Variants in DNAH5 observed in about 807,000 individuals in gnomAD.
DNAH5 encodes dynein axonemal heavy chain 5.
Under a neutral mutation model 518.2 loss-of-function variants are expected in DNAH5, and 372 were observed. The ratio of observed to expected loss-of-function variants is 0.72; its 90% CI spans 0.66 to 0.78. DNAH5 has a LOEUF of 0.78. Among genes scored for constraint, DNAH5 ranks in the 30% least tolerant of loss-of-function variants. The pLI is 0.00. For synonymous variants in DNAH5, 2,039 were observed against 2,025.9 expected, an observed-to-expected ratio of 1.01 and a Z score of -0.17; for missense variants, 5,523 against 5,687.0, an observed-to-expected ratio of 0.97 and a Z score of 0.93.
At chr5:13,953,462 A>G (rs891124225) in intron 1 of DNAH5, among the ~76,000 whole-genome samples, 6 of 152,194 alleles carry the variant, frequency 3.9e-5, no homozygotes, top group African/African-American at 1.4e-4. Flanking sequence ...CAAACATTCA[A>G]ATGAAATGGC....
At position 13,911,382 on chromosome 5, in the gene DNAH5, C is replaced by G. The variant is rs995910255; in HGVS notation, c.1644+4G>C. The G allele has an allele frequency of 3.1e-6, 5 of 1,608,872 alleles. No homozygotes were observed. The highest frequency in any genetic ancestry group is 1.7e-6 in the Non-Finnish European group (2 of 1,175,538). On this transcript the variant is annotated splice_donor_region_variant and intron_variant, in intron 12 of 78. Coordinates refer to ENST00000265104, the MANE Select transcript of DNAH5 (RefSeq NM_001369.3). ...GTCAACAGGAATTTTATTATACAAC[C>G]TACATGAAGGTCATTAGTCTGCTTG... is the stretch of plus-strand genomic sequence containing the variant.
At chr5:13,984,567 T>G (rs1335156434) in intron 1 of DNAH5, among the ~76,000 whole-genome samples, 2 of 152,208 alleles carry the variant, frequency 1.3e-5, no homozygotes, top group African/African-American at 4.8e-5. Context: ...AACACTATGT[T>G]GTATAGGAGT....
chr5:13,861,807 A>G (rs1452041291), intron 29 of DNAH5, among the ~76,000 whole-genome samples: 1 of 152,052 alleles, frequency 6.6e-6, no homozygotes, highest in Non-Finnish European at 1.5e-5. Flanking sequence ...AAATACAAAA[A>G]TTAGCCAGGC....
intron 1 of DNAH5, among the ~76,000 whole-genome samples, chr5:13,991,403 G>A (rs932876850): frequency 6.6e-6 from 1 of 151,922 alleles, no homozygotes; most frequent in Non-Finnish European, 1.5e-5. Flanking sequence ...GTTCCCTTTG[G>A]ACTAAATGCC....
intron 1 of DNAH5, among the ~76,000 whole-genome samples, chr5:13,951,796 T>C (rs1299087565): frequency 6.6e-6 from 1 of 152,188 alleles, no homozygotes; most frequent in Non-Finnish European, 1.5e-5. Context: ...TTGGGGGCTA[T>C]CTTTGCTGTT....
chr5:14,007,627 A>G (rs979125225), intron 1 of DNAH5, among the ~76,000 whole-genome samples: 6 of 152,160 alleles, frequency 3.9e-5, no homozygotes, highest in Non-Finnish European at 8.8e-5. Context: ...TAAGCTTTGG[A>G]CAGATTCCTC....
At chr5:13,752,383 C>T in intron 63 of DNAH5, 94 bp from the exon 64 acceptor site, 6 of 1,387,610 alleles carry the variant, frequency 4.3e-6, no homozygotes, top group Non-Finnish European at 6.1e-6. Flanking sequence ...AAGCATTCTA[C>T]TGCAAGAGAC....
chr5:13,778,596 A>AAGAAAGAAAGAAAGAGAGAGAG (rs768853052), intron 53 of DNAH5, among the ~76,000 whole-genome samples: 3 of 102,152 alleles, frequency 2.9e-5, no homozygotes, highest in African/African-American at 7.5e-5. Flanking sequence ...GAAAGAAAGA[A>AAGAAAGAAAGAAAGAGAGAGAG]AGAGAGAGAG....
chr5:13,944,192 T>C (rs1779717915), intron 1 of DNAH5, among the ~76,000 whole-genome samples, 190 bp downstream of exon 1: 1 of 152,194 alleles, frequency 6.6e-6, no homozygotes, highest in Non-Finnish European at 1.5e-5. Context: ...AGCCTACAGA[T>C]GCAAAATTTT....
At chr5:13,920,018 G>T (rs1026570565) in intron 6 of DNAH5, among the ~76,000 whole-genome samples, 1 of 152,316 alleles carries the variant, frequency 6.6e-6, no homozygotes, top group East Asian at 1.9e-4. Flanking sequence ...TAACCTTGGA[G>T]GAACATGGCC....
chr5:13,928,572 A>G (rs1177278681), intron 2 of DNAH5, among the ~76,000 whole-genome samples: 2 of 152,206 alleles, frequency 1.3e-5, no homozygotes, highest in Admixed American at 1.3e-4. Flanking sequence ...GAGATAATTA[A>G]TATTAAATTG....
intron 22 of DNAH5, among the ~76,000 whole-genome samples, chr5:13,876,167 G>A (rs1397189703): frequency 6.6e-6 from 1 of 152,130 alleles, no homozygotes; most frequent in Non-Finnish European, 1.5e-5. Context: ...AAATTGCCTT[G>A]AATGTACATT....
At chr5:13,800,054 GAT>G (rs1396580492) in intron 47 of DNAH5, among the ~76,000 whole-genome samples, 3 of 152,158 alleles carry the variant, frequency 2.0e-5, no homozygotes, top group Admixed American at 2.0e-4. Flanking sequence ...GTGCTGAAAA[GAT>G]ATGAAAGCAG....
chr5:13,989,482 C>CTTT (rs34462296), intron 1 of DNAH5, among the ~76,000 whole-genome samples: 13 of 128,816 alleles, frequency 1.0e-4, no homozygotes, highest in African/African-American at 1.5e-4. Context: ...TAGAGGGAGA[C>CTTT]TTTTTTTTTT....
rs776039504 is a variant in DNAH5 at position 13,928,178 on chromosome 5, T to A, written c.193A>T (p.Ile65Phe). The A allele has an allele frequency of 8.7e-6, 14 of 1,611,678 alleles. No individual in the cohort carries two copies. The highest frequency in any genetic ancestry group is 1.2e-5 in the Non-Finnish European group (14 of 1,178,070). Residue 65 changes from isoleucine (I) to phenylalanine (F), a missense_variant and splice_region_variant, in exon 3 of 79, where the codon ATT becomes TTT. This residue lies in a region of DNAH5 where 5,121 missense variants were observed against 5,223.3 expected (regional missense o/e 0.98). Transcript: ENST00000265104. ...GCAAAAAGTTGATCAATTCTTTCAA[T>A]CTGGGAAAAAGAAAAAGGCAAGATA... Reference protein sequence around the residue: ...VEDAILEGNQIERIDQLFAVG... With the variant: ...VEDAILEGNQFERIDQLFAVG...
chr5:13,919,461 ATATATG>A, intron 6 of DNAH5, 109 bp from the exon 7 acceptor site: 2 of 1,306,024 alleles, frequency 1.5e-6, no homozygotes, highest in Non-Finnish European at 2.1e-6. Flanking sequence ...CTGGATCATG[ATATATG>A]CGTATTCCAT....
chr5:13,803,560 G>A (rs1449751106), intron 47 of DNAH5, among the ~76,000 whole-genome samples: 1 of 152,222 alleles, frequency 6.6e-6, no homozygotes, highest in Non-Finnish European at 1.5e-5. Context: ...CCAACTAAGT[G>A]AATTCAGACA....
chr5:13,780,418 T>A (rs866674979), intron 53 of DNAH5, among the ~76,000 whole-genome samples: 3 of 152,308 alleles, frequency 2.0e-5, no homozygotes, highest in Non-Finnish European at 2.9e-5. Flanking sequence ...GCTTGACACA[T>A]AGGCAGTGTT....
At chr5:13,851,438 TC>T (rs1240924181) in intron 30 of DNAH5, among the ~76,000 whole-genome samples, 1 of 151,988 alleles carries the variant, frequency 6.6e-6, no homozygotes, top group Non-Finnish European at 1.5e-5. Context: ...CTCTCCAGCA[TC>T]TGGGACTACA....
Sources: gnomAD v4.1 joint callset for allele counts (sites outside exome capture counted in the v4.1 genomes callset) on GRCh38, gnomAD v4.1.1 for gene constraint, gnomAD v4.1.1 regional missense constraint, MANE v1.5 for transcripts, NCBI Gene and HGNC (gene_info 2026-07-23, HGNC 2026-07-21) for gene names.